SCOC: variants seen among roughly 807,000 people sequenced by gnomAD.
SCOC encodes short coiled coil protein.
Under a neutral mutation model 9.9 loss-of-function variants are expected in SCOC, and 7 were observed. The observed-to-expected ratio is 0.71, with a 90% CI of 0.40 to 1.33. The LOEUF (loss-of-function observed/expected upper bound fraction) is 1.33, where lower values mean the gene tolerates loss of function less well. Among genes scored for constraint, SCOC ranks in the 40% most tolerant of loss-of-function variants. SCOC has a pLI of 0.01. For synonymous variants in SCOC, 19 were observed against 28.2 expected (o/e 0.67, Z 1.03); for missense variants, 66 against 89.7 (o/e 0.74, Z 1.07).
chr4:140,328,469 C>A (rs1218268643), intron 1 of SCOC, among the ~76,000 whole-genome samples: 1 of 152,158 alleles, frequency 6.6e-6, no homozygotes, highest in Non-Finnish European at 1.5e-5. Context: ...CTGTGCCCAA[C>A]ATTTTTTCAC....
upstream of SCOC, among the ~76,000 whole-genome samples, chr4:140,371,525 C>G (rs920082283): frequency 1.3e-5 from 2 of 151,972 alleles, no homozygotes; most frequent in African/African-American, 2.4e-5. Flanking sequence ...TTTCTATATC[C>G]CACGAACAGT....
At chr4:140,298,368 G>C (rs911582314) in intron 1 of SCOC, among the ~76,000 whole-genome samples, 2 of 152,208 alleles carry the variant, frequency 1.3e-5, no homozygotes, top group Non-Finnish European at 2.9e-5. Context: ...TTTGCCACTC[G>C]TGTGATCATA....
At chr4:140,351,104 C>A (rs953046492) in intron 2 of SCOC, among the ~76,000 whole-genome samples, 1 of 151,512 alleles carries the variant, frequency 6.6e-6, no homozygotes, top group Non-Finnish European at 1.5e-5. Context: ...GCAGGGGAAT[C>A]GCTTAAACCC....
chr4:140,280,634 C>CAGAT (rs1200083717), intron 1 of SCOC, among the ~76,000 whole-genome samples: 15 of 152,148 alleles, frequency 9.9e-5, no homozygotes, highest in African/African-American at 2.9e-4. Flanking sequence ...GTTGGTAAGG[C>CAGAT]AGATGTTTGT....
chr4:140,378,938 C>G (rs1351279864), intron 1 of SCOC, among the ~76,000 whole-genome samples, 183 bp from the exon 2 acceptor site: 1 of 152,102 alleles, frequency 6.6e-6, no homozygotes, highest in Non-Finnish European at 1.5e-5. Context: ...TATCAAGAAG[C>G]TCAACATTTT....
intron 2 of SCOC, among the ~76,000 whole-genome samples, chr4:140,349,639 C>G (rs1179875991): frequency 6.6e-6 from 1 of 152,174 alleles, no homozygotes; most frequent in Non-Finnish European, 1.5e-5. Flanking sequence ...GTTACGAAAG[C>G]TAGAAATCCA....
At chr4:140,297,271 G>GA (rs899103078) in intron 1 of SCOC, among the ~76,000 whole-genome samples, 9 of 7,126 alleles carry the variant, frequency 1.3e-3, no homozygotes, top group Non-Finnish European at 1.9e-3. Flanking sequence ...GGTGACTGTG[G>GA]GGGGGGGGGC....
At chr4:140,353,928 T>C (rs1465470814) in intron 2 of SCOC, among the ~76,000 whole-genome samples, 1 of 152,206 alleles carries the variant, frequency 6.6e-6, no homozygotes, top group East Asian at 1.9e-4. Context: ...ATACACATGT[T>C]TCATTGTCAG....
chr4:140,275,926 C>T lies in SCOC; in HGVS notation c.-19+18516C>T, dbSNP rs187960463. On this transcript the variant is annotated intron_variant, in intron 1 of 4. Transcript: ENST00000394205. ...GCAACCTATGCCTCCCAGGTTCAGA[C>T]GATTCTTCTGCCTCAGCCTCCCGAG... Among the ~76,000 whole-genome samples, 301 of 150,370 alleles carry T rather than the reference C, an allele frequency of 2.0e-3. 1 individual carries two copies. Among genetic ancestry groups the T allele is most frequent in the Admixed American group, 3.9e-3 (58 of 14,978 alleles).
intron 2 of SCOC, among the ~76,000 whole-genome samples, chr4:140,364,668 G>A (rs548351510): frequency 2.0e-4 from 30 of 152,286 alleles, no homozygotes; most frequent in African/African-American, 7.2e-4. Flanking sequence ...AGTCTTAATG[G>A]CTGTACAACA....
upstream of SCOC, among the ~76,000 whole-genome samples, chr4:140,371,075 C>T (rs908636702): frequency 6.6e-6 from 1 of 151,916 alleles, no homozygotes; most frequent in African/African-American, 2.4e-5. Context: ...TTAGTAGAGA[C>T]GGGGTTTCAC....
chr4:140,372,071 T>TAAG (rs1417087918), upstream of SCOC, among the ~76,000 whole-genome samples: 1 of 152,182 alleles, frequency 6.6e-6, no homozygotes, highest in Non-Finnish European at 1.5e-5. Context: ...GTCAAACTGA[T>TAAG]AAACACAAAG....
At chr4:140,262,781 G>C (rs904795369) in intron 1 of SCOC, among the ~76,000 whole-genome samples, 1 of 151,974 alleles carries the variant, frequency 6.6e-6, no homozygotes, top group African/African-American at 2.4e-5. Context: ...GCGGAGGGGC[G>C]AAGGGGAAGC....
intron 2 of SCOC, chr4:140,360,719 C>T (rs879418659): frequency 1.3e-5 from 2 of 152,224 alleles, no homozygotes; most frequent in Non-Finnish European, 2.9e-5. Flanking sequence ...GTCTGTGGAC[C>T]TGCCTTCAGG....
At chr4:140,351,189 TAAA>T (rs77010112) in intron 2 of SCOC, among the ~76,000 whole-genome samples, 2 of 132,500 alleles carry the variant, frequency 1.5e-5, no homozygotes, top group Non-Finnish European at 3.3e-5. Context: ...AGACTTTATC[TAAA>T]AAAAAAAAAA....
At chr4:140,343,617 A>G in intron 1 of SCOC, 1 of 1,603,108 alleles carries the variant, frequency 6.2e-7, no homozygotes, top group Non-Finnish European at 8.5e-7. Flanking sequence ...TTTCTTACTA[A>G]CAGGTCTGAA....
upstream of SCOC, among the ~76,000 whole-genome samples, chr4:140,339,778 G>A (rs1182656168): frequency 3.9e-5 from 6 of 152,096 alleles, 1 homozygote; most frequent in African/African-American, 7.2e-5. Context: ...TTAGAATGGC[G>A]ATCATTAAAA....
chr4:140,328,073 T>C lies in SCOC; in HGVS notation c.-18-15548T>C, dbSNP rs556774801. Among the ~76,000 whole-genome samples, 7 of 152,318 alleles carry C rather than the reference T, an allele frequency of 4.6e-5. No homozygotes were observed. The South Asian group carries it at 1.5e-3, about 32-fold the overall frequency. The stretch of plus-strand genomic sequence containing the variant: ...ATCACCAGACTCCTCGTGCTTCTGC[T>C]TCCTCACCAGTAATGAGTTTTAAAT... On this transcript the variant is annotated intron_variant, in intron 1 of 4. Transcript: ENST00000394205.
intron 1 of SCOC, among the ~76,000 whole-genome samples, chr4:140,299,507 T>C (rs1731753084): frequency 6.6e-6 from 1 of 152,230 alleles, no homozygotes; most frequent in African/African-American, 2.4e-5. Context: ...AATAGAACAC[T>C]AGTCAGAGTC....
Sources: gnomAD v4.1 joint callset for allele counts (sites outside exome capture counted in the v4.1 genomes callset) on GRCh38, gnomAD v4.1.1 for gene constraint, MANE v1.5 for transcripts, NCBI Gene and HGNC (gene_info 2026-07-23, HGNC 2026-07-21) for gene names.